The following MACF1 variants were observed in gnomAD, a reference collection of about 807,000 sequenced individuals.
MACF1 encodes the protein microtubule-actin cross-linking factor 1.
In MACF1, 193 loss-of-function variants were observed where a neutral mutation model predicts 854.8. The observed-to-expected ratio is 0.23, with a 90% CI of 0.20 to 0.25. The LOEUF is 0.25. Ranked by LOEUF, MACF1 falls within the 10% of genes least tolerant of loss-of-function variation. The pLI is 1.00. For synonymous variants in MACF1, 3,185 were observed against 3,226.7 expected (o/e 0.99, Z 0.44); for missense variants, 7,722 against 8,929.1 (o/e 0.86, Z 5.45).
chr1:39,222,060 T>C (rs961342323), intron 1 of MACF1, among the ~76,000 whole-genome samples: 1 of 152,210 alleles, frequency 6.6e-6, no homozygotes, highest in Non-Finnish European at 1.5e-5. Flanking sequence ...ATAGCCATAC[T>C]GTTCCCTAAA....
In MACF1 at chr1:39,358,637, C is replaced by A. The variant is rs1020635339; in HGVS notation, c.11944-60C>A. 3.9e-6 allele frequency: 6 copies of A among 1,530,338 alleles called. No individual in the cohort carries two copies. In the South Asian group the frequency reaches 4.7e-5, roughly 12 times the overall value. The allele number at this position is 1,530,338 out of a possible 1,614,324, so 94.8% of individuals were successfully genotyped here. A position where few individuals can be genotyped will look rare whatever the true frequency, so the allele number is the denominator to read the frequency against. On this transcript the variant is annotated intron_variant, in intron 45 of 100. Transcript: ENST00000564288. ...ACAAAGCCAGGCCTCTTTCTTTGGGCAGCTGCTGCCTTTGGCCTGACCTTG... is the reference window on the plus strand; with the variant it reads ...ACAAAGCCAGGCCTCTTTCTTTGGGAAGCTGCTGCCTTTGGCCTGACCTTG...
rs566771568 is a variant in MACF1, at chr1:39,290,917, C to T, written c.1786-993C>T. Among the ~76,000 whole-genome samples, 30 of 151,602 alleles carry T rather than the reference C, an allele frequency of 2.0e-4. No individual in the cohort carries two copies. In the East Asian group the frequency reaches 3.5e-3, roughly 18 times the overall value. On this transcript the variant is annotated intron_variant, in intron 15 of 100. Coordinates refer to ENST00000564288, the MANE Select transcript of MACF1 (RefSeq NM_001394062.1). The stretch of plus-strand genomic sequence containing the variant: ...CTTGAACTCCTGACCTCAGGTGATC[C>T]GCCCACCTTGGCCTCCCAAAGTGCT...
At chr1:39,269,804 G>A in intron 6 of MACF1, 2 of 1,123,640 alleles carry the variant, frequency 1.8e-6, no homozygotes, top group Non-Finnish European at 1.2e-6. Flanking sequence ...GTGGTGAGCA[G>A]TGAGGATGTT....
In MACF1 at chr1:39,350,908, A is replaced by G. The variant is rs765952712; in HGVS notation, c.11089A>G (p.Lys3697Glu). ...SPRELTALRE[K>E]LHQAKEQYEA... ...ACGTGAGTTGACAGCTCTTCGGGAA[A>G]AGCTTCATCAGGCTAAGGAGCAATA... Residue 3697 changes from lysine to glutamate, a missense_variant, in exon 43 of 101, where the codon AAG becomes GAG. Lys to Glu is a moderately conservative substitution (Grantham distance 56). This residue lies in a region of MACF1 where 2,807 missense variants were observed against 3,235.8 expected (regional missense o/e 0.87). Coordinates refer to ENST00000564288, the MANE Select transcript of MACF1 (RefSeq NM_001394062.1). The G allele has an allele frequency of 7.4e-6, 12 of 1,614,136 alleles. No individual in the cohort carries two copies. The highest frequency in any genetic ancestry group is 1.0e-5 in the Non-Finnish European group (12 of 1,179,992).
chr1:39,240,650 C>T (rs1379958104), intron 2 of MACF1, among the ~76,000 whole-genome samples: 1 of 152,194 alleles, frequency 6.6e-6, no homozygotes, highest in African/African-American at 2.4e-5. Flanking sequence ...AGGCATGTGC[C>T]ACCACGCCTG....
At chr1:39,393,319 C>A (rs1417705133) in intron 58 of MACF1, among the ~76,000 whole-genome samples, 1 of 150,746 alleles carries the variant, frequency 6.6e-6, no homozygotes, top group Non-Finnish European at 1.5e-5. Context: ...CTTAAACCAA[C>A]CCCTCCTTTG....
At chr1:39,454,319 T>C (rs931294354) in intron 88 of MACF1, among the ~76,000 whole-genome samples, 2 of 152,184 alleles carry the variant, frequency 1.3e-5, no homozygotes, top group Non-Finnish European at 2.9e-5. Flanking sequence ...AAACCAATTA[T>C]AGGCCTTGAG....
intron 79 of MACF1, among the ~76,000 whole-genome samples, chr1:39,443,975 G>C (rs1024128183): frequency 3.3e-5 from 5 of 152,088 alleles, no homozygotes; most frequent in Non-Finnish European, 5.9e-5. Flanking sequence ...ATAATTTCTA[G>C]GCAAATTTTT....
intron 2 of MACF1, among the ~76,000 whole-genome samples, chr1:39,189,966 A>G (rs1298963203): frequency 6.6e-6 from 1 of 152,224 alleles, no homozygotes; most frequent in Non-Finnish European, 1.5e-5. Context: ...CTGGAAAAGA[A>G]TTTAGAGATC....
chr1:39,199,977 C>T (rs1311011144), upstream of MACF1, among the ~76,000 whole-genome samples: 5 of 152,210 alleles, frequency 3.3e-5, no homozygotes, highest in Admixed American at 1.3e-4. Flanking sequence ...TCTCTCTGCT[C>T]CTGTTTACAG....
chr1:39,248,899 T>G (rs749934499), intron 2 of MACF1, among the ~76,000 whole-genome samples: 26 of 152,116 alleles, frequency 1.7e-4, no homozygotes, highest in Non-Finnish European at 2.8e-4. Context: ...TGGCTTTTTT[T>G]TTTGTTTTGT....
chr1:39,199,453 G>C (rs772906653), intron 2 of MACF1, among the ~76,000 whole-genome samples: 4 of 151,944 alleles, frequency 2.6e-5, no homozygotes, highest in Non-Finnish European at 4.4e-5. Flanking sequence ...ACCAACCTGG[G>C]CTGTAACATA....
chr1:39,338,633 A>C (rs1294623774), intron 38 of MACF1, among the ~76,000 whole-genome samples: 1 of 152,228 alleles, frequency 6.6e-6, no homozygotes, highest in Non-Finnish European at 1.5e-5. Flanking sequence ...AAAGTAATTC[A>C]AAGTATCTCT....
chr1:39,168,472 C>T (rs1272140928), intron 2 of MACF1, among the ~76,000 whole-genome samples: 1 of 152,056 alleles, frequency 6.6e-6, no homozygotes, highest in East Asian at 1.9e-4. Flanking sequence ...CCAGGCAGGG[C>T]TGGGTTCAAA....
intron 2 of MACF1, among the ~76,000 whole-genome samples, chr1:39,187,426 C>G (rs956192360): frequency 2.6e-5 from 4 of 152,134 alleles, no homozygotes; most frequent in Non-Finnish European, 2.9e-5. Flanking sequence ...CTCTTAAAGC[C>G]TTTAGTAAAG....
chr1:39,363,698 C>G (rs892976510), intron 49 of MACF1, among the ~76,000 whole-genome samples: 1 of 151,850 alleles, frequency 6.6e-6, no homozygotes, highest in African/African-American at 2.4e-5. Context: ...TAACCTCAAC[C>G]TCCACTTGGG....
chr1:39,105,838 C>T lies in MACF1; in HGVS notation c.220+21400C>T. On this transcript the variant is annotated intron_variant, in intron 2 of 93. Coordinates refer to the MACF1 transcript ENST00000361689. The surrounding 1 kb of genome is among the most constrained non-coding windows in gnomAD (Gnocchi z 5.9). ...GCGGGGTCGCACCCACCGCGCGGGG[C>T]TTGGCCCTGAGCTGCTGCTTCTCGG... is the stretch of plus-strand genomic sequence containing the variant. The T allele has an allele frequency of 1.2e-6, 1 of 801,750 alleles. No individual in the cohort carries two copies. Among genetic ancestry groups the T allele is most frequent in the Non-Finnish European group, 1.5e-6 (1 of 661,490 alleles). The allele number at this position is 801,750 out of a possible 1,614,324, so 49.7% of individuals were successfully genotyped here.
chr1:39,426,642 C>G (rs772704433), intron 61 of MACF1, among the ~76,000 whole-genome samples: 1 of 152,096 alleles, frequency 6.6e-6, no homozygotes, highest in Non-Finnish European at 1.5e-5. Context: ...AAGTACATCT[C>G]TTAGCACTTC....
rs1417714057 is a variant in MACF1 at position 39,333,157 on chromosome 1, C to G, written c.6569C>G (p.Ser2190Cys). 6.2e-7 allele frequency: 1 copy of G among 1,613,890 alleles called. No homozygotes were observed. Among genetic ancestry groups the G allele is most frequent in the East Asian group, 2.2e-5 (1 of 44,886 alleles). ...TATATTCATGATGAAACTGGAGGAT[C>G]TCACATAAAACCCCAAAGCAAAAAG... ...TEYIHDETGG[S>C]HIKPQSKKLQ... The change falls in exon 37 of 101, where the codon TCT becomes TGT. Residue 2190 changes from serine to cysteine, a missense_variant. Ser to Cys is a moderately radical substitution (Grantham distance 112). Around this residue, in one of 15 missense-constraint regions of MACF1, gnomAD observed 1,531 missense variants for 1,601.6 expected, o/e 0.96. Transcript: ENST00000564288.
Sources: allele counts gnomAD v4.1 joint callset (sites outside exome capture counted in the v4.1 genomes callset), GRCh38; gene constraint gnomAD v4.1.1; regional missense constraint gnomAD v4.1.1; non-coding constraint Gnocchi (gnomAD v3.1); transcripts MANE v1.5; gene names NCBI Gene and HGNC (gene_info 2026-07-23, HGNC 2026-07-21).